GRID1: variants seen among roughly 807,000 people sequenced by gnomAD.
GRID1 encodes glutamate ionotropic receptor delta type subunit 1, also known as glutamate receptor ionotropic, delta-1.
In GRID1, 28 loss-of-function variants were observed where a neutral mutation model predicts 98.0. That is an observed-to-expected ratio of 0.29 (90% CI 0.21 to 0.39). GRID1 has a LOEUF of 0.39. Ranked by LOEUF, GRID1 falls within the 10% of genes least tolerant of loss-of-function variation. The probability of loss-of-function intolerance (pLI) is 1.00; values close to 1 mark genes in which losing one functional copy is unlikely to be tolerated. For synonymous variants in GRID1, 553 were observed against 538.5 expected, an observed-to-expected ratio of 1.03 and a Z score of -0.37; for missense variants, 1,111 against 1,340.5, an observed-to-expected ratio of 0.83 and a Z score of 2.67.
Position 85,641,857 on chromosome 10 carries a change from G to A in GRID1, c.2193+5345C>T, listed in dbSNP as rs80281246. ...GACCTAGAGGACAAAAAGGGGCAGA[G>A]CCCGGATGCTATTCAACGGTGCAGA... On this transcript the variant is annotated intron_variant, in intron 13 of 15. Transcript: ENST00000327946. 6.0e-3 allele frequency among the ~76,000 whole-genome samples: 910 copies of A among 152,314 alleles called. 3 individuals carry two copies. The highest frequency in any genetic ancestry group is 0.011 in the Non-Finnish European group (761 of 68,032).
At chr10:86,008,066 A>G (rs1842884819) in intron 4 of GRID1, among the ~76,000 whole-genome samples, 2 of 152,200 alleles carry the variant, frequency 1.3e-5, no homozygotes, top group Admixed American at 6.5e-5. Flanking sequence ...AAGACTGTAT[A>G]TAAATACAGA....
chr10:85,891,382 A>G (rs1413220999), intron 5 of GRID1, among the ~76,000 whole-genome samples: 2 of 152,196 alleles, frequency 1.3e-5, no homozygotes, highest in South Asian at 4.1e-4. Flanking sequence ...ACATCTGAAC[A>G]AGACCCAATT....
chr10:85,599,802 A>AAAAAAAAATATATATATATATATATAT lies in GRID1; in HGVS notation c.*2470_*2471insATATATATATATATATATATTTTTTTT. On this transcript the variant is annotated 3_prime_UTR_variant, in exon 16 of 16. Transcript: ENST00000327946. ...GTAGAAAATTCTAAAAAAAAAAAAA[A>AAAAAAAAATATATATATATATATATAT]ATATATATATATATATATAAACATG... 6.2e-5 allele frequency: 4 copies of AAAAAAAAATATATATATATATATATAT among 64,980 alleles called. No individual in the cohort carries two copies. Among genetic ancestry groups the AAAAAAAAATATATATATATATATATAT allele is most frequent in the Non-Finnish European group, 1.0e-4 (4 of 38,786 alleles). The allele number at this position is 64,980 out of a possible 1,614,324, so 4.0% of individuals were successfully genotyped here. A position where few individuals can be genotyped will look rare whatever the true frequency, so the allele number is the denominator to read the frequency against.
At chr10:85,947,514 G>C (rs1842068184) in intron 4 of GRID1, among the ~76,000 whole-genome samples, 1 of 152,210 alleles carries the variant, frequency 6.6e-6, no homozygotes, top group African/African-American at 2.4e-5. Flanking sequence ...GATTCCCCTA[G>C]AAGACCCAGT....
intron 2 of GRID1, among the ~76,000 whole-genome samples, chr10:86,351,806 A>G (rs1450055419): frequency 6.6e-6 from 1 of 152,218 alleles, no homozygotes; most frequent in Non-Finnish European, 1.5e-5. Context: ...TCATGAGAAC[A>G]ATAACTGTAG....
At chr10:85,805,180 A>T (rs771677217) in intron 8 of GRID1, among the ~76,000 whole-genome samples, 1 of 151,642 alleles carries the variant, frequency 6.6e-6, no homozygotes, top group South Asian at 2.1e-4. Flanking sequence ...ACAAGTTCAC[A>T]GGATACAAAA....
chr10:85,614,704 G>A (rs986642960), intron 14 of GRID1, among the ~76,000 whole-genome samples: 2 of 152,174 alleles, frequency 1.3e-5, no homozygotes, highest in African/African-American at 4.8e-5. Context: ...CATTAGGTGA[G>A]GACAGGGAAG....
At chr10:85,635,271 TG>T (rs968145040) in intron 13 of GRID1, among the ~76,000 whole-genome samples, 6 of 152,166 alleles carry the variant, frequency 3.9e-5, no homozygotes, top group Admixed American at 3.3e-4. Context: ...CCTTGACATT[TG>T]GACTGTATTA....
At chr10:85,929,293 T>C (rs557602426) in intron 4 of GRID1, among the ~76,000 whole-genome samples, 268 of 152,286 alleles carry the variant, frequency 1.8e-3, no homozygotes, top group Middle Eastern at 0.017. Context: ...CTCAAAGGTT[T>C]AACTCACTCC....
Position 86,044,142 on chromosome 10 carries a change from T to G in GRID1, c.726+94677A>C, listed in dbSNP as rs146481635. ...GGGTTTTCAAGGTCAGGAAATGAAC[T>G]ACACTGTGTTAAACTCCATCCCCAG... On this transcript the variant is annotated intron_variant, in intron 4 of 15. Transcript: ENST00000327946. Among the ~76,000 whole-genome samples, 653 of 152,314 alleles carry G rather than the reference T, an allele frequency of 4.3e-3. 7 individuals are homozygous for G. Among genetic ancestry groups the G allele is most frequent in the African/African-American group, 0.015 (627 of 41,556 alleles).
rs1848685418 is a variant in GRID1, at chr10:86,366,584, G to C, written c.-192C>G. 4.6e-6 allele frequency: 1 copy of C among 218,146 alleles called. No individual in the cohort carries two copies. Among genetic ancestry groups the C allele is most frequent in the Non-Finnish European group, 8.8e-6 (1 of 113,176 alleles). 13.5% of individuals were successfully genotyped at this position (218,146 alleles called of 1,614,324 possible). On this transcript the variant is annotated 5_prime_UTR_variant, in exon 1 of 16. Transcript: ENST00000327946. This position sits in a 1 kb window ranked among gnomAD's most constrained non-coding sequence, Gnocchi z 4.1. Reference sequence around the variant, plus strand: ...AGCCCAGCCCAGCCCAGCCCAGCGCGGTCGGGCTCCCGCTCCGGCTCCGGT... The same window carrying C: ...AGCCCAGCCCAGCCCAGCCCAGCGCCGTCGGGCTCCCGCTCCGGCTCCGGT...
intron 9 of GRID1, 56 bp from the exon 10 acceptor site, chr10:85,728,108 T>G (rs1841782889): frequency 1.7e-6 from 2 of 1,178,202 alleles, no homozygotes; most frequent in South Asian, 2.4e-5. Flanking sequence ...TCAACACATA[T>G]TTCCAGTGTA....
At chr10:85,731,385 A>C (rs1219502196) in intron 8 of GRID1, among the ~76,000 whole-genome samples, 1 of 151,966 alleles carries the variant, frequency 6.6e-6, no homozygotes, top group Non-Finnish European at 1.5e-5. Context: ...TGAGATAAAG[A>C]ACAAGTGAAG....
chr10:86,248,186 AT>A (rs1209478962), intron 2 of GRID1, among the ~76,000 whole-genome samples: 1 of 152,196 alleles, frequency 6.6e-6, no homozygotes, highest in African/African-American at 2.4e-5. Context: ...GTGGCTTCAG[AT>A]GGCAAAGGCA....
chr10:86,222,381 C>T (rs1564710721), intron 2 of GRID1, among the ~76,000 whole-genome samples: 1 of 152,186 alleles, frequency 6.6e-6, no homozygotes, highest in Non-Finnish European at 1.5e-5. Flanking sequence ...CTTAGCTGCC[C>T]TCAGAGCCTT....
At chr10:86,184,451 TTTC>T (rs1178250454) in intron 3 of GRID1, among the ~76,000 whole-genome samples, 2 of 132,426 alleles carry the variant, frequency 1.5e-5, no homozygotes, top group Non-Finnish European at 3.2e-5. Flanking sequence ...TTGTAGTATA[TTTC>T]TTTTTTCTTT....
At chr10:85,740,090 G>A (rs1003247461) in intron 8 of GRID1, among the ~76,000 whole-genome samples, 3 of 152,168 alleles carry the variant, frequency 2.0e-5, no homozygotes, top group South Asian at 2.1e-4. Context: ...TGTTGATTTC[G>A]TACCTCTCTT....
intron 8 of GRID1, among the ~76,000 whole-genome samples, chr10:85,756,113 C>A (rs1452209426): frequency 6.6e-6 from 1 of 152,172 alleles, no homozygotes; most frequent in Non-Finnish European, 1.5e-5. Context: ...TAGTACCGAA[C>A]CCAATTGCCA....
At chr10:85,605,610 T>C (rs529075399) in intron 15 of GRID1, 1 of 152,358 alleles carries the variant, frequency 6.6e-6, no homozygotes, top group South Asian at 2.1e-4. Context: ...GTGGACTCAA[T>C]TAAAGTGGGA....
Sources: gnomAD v4.1 joint callset for allele counts (sites outside exome capture counted in the v4.1 genomes callset) on GRCh38, gnomAD v4.1.1 for gene constraint, Gnocchi (gnomAD v3.1) non-coding constraint, MANE v1.5 for transcripts, NCBI Gene and HGNC (gene_info 2026-07-23, HGNC 2026-07-21) for gene names.